Variants in NOL4 observed in about 807,000 individuals in gnomAD.
The protein encoded by NOL4 is cancer/testis antigen 125.
NOL4 carries 17 observed loss-of-function variants against 75.9 expected under a neutral mutation model. The observed-to-expected ratio is 0.22, with a 90% CI of 0.15 to 0.34. NOL4 has a LOEUF of 0.34. Among genes scored for constraint, NOL4 ranks in the 10% least tolerant of loss-of-function variants. The pLI is 1.00. For synonymous variants in NOL4, 292 were observed against 289.9 expected, an observed-to-expected ratio of 1.01 and a Z score of -0.07; for missense variants, 614 against 793.5, an observed-to-expected ratio of 0.77 and a Z score of 2.72.
chr18:34,137,373 A>C (rs945611456), intron 1 of NOL4, among the ~76,000 whole-genome samples: 1 of 152,232 alleles, frequency 6.6e-6, no homozygotes, highest in East Asian at 1.9e-4. Flanking sequence ...GGGAGAAAAT[A>C]TTTGGAAATC....
At chr18:34,114,392 C>T (rs1253308440) in intron 2 of NOL4, among the ~76,000 whole-genome samples, 1 of 152,106 alleles carries the variant, frequency 6.6e-6, no homozygotes, top group Non-Finnish European at 1.5e-5. Flanking sequence ...TCTCTCTTAA[C>T]TAAGCACTAA....
chr18:34,059,569 G>A (rs147683496), intron 5 of NOL4, among the ~76,000 whole-genome samples: 12 of 152,176 alleles, frequency 7.9e-5, no homozygotes, highest in East Asian at 3.9e-4. Flanking sequence ...AAACACTGTC[G>A]CTTGGGATCA....
intron 8 of NOL4, among the ~76,000 whole-genome samples, chr18:33,944,552 AC>A (rs1167333327): frequency 6.6e-6 from 1 of 151,888 alleles, no homozygotes; most frequent in Non-Finnish European, 1.5e-5. Context: ...GGTATAGGGT[AC>A]ATACTCTTCT....
rs138948401 is a variant in NOL4 at position 34,067,964 on chromosome 18, T to C, written c.772+25501A>G. ...CTAGACAATATCATCAAGAGAGTGA[T>C]TGTATATAAAACAACAAAAACCATC... On this transcript the variant is annotated intron_variant, in intron 5 of 10. Transcript: ENST00000261592. 2.3e-3 allele frequency among the ~76,000 whole-genome samples: 353 copies of C among 152,110 alleles called. 4 individuals carry two copies. Among genetic ancestry groups the C allele is most frequent in the African/African-American group, 7.2e-3 (299 of 41,476 alleles).
chr18:34,156,871 T>G (rs1235011212), intron 1 of NOL4, among the ~76,000 whole-genome samples: 4 of 152,152 alleles, frequency 2.6e-5, no homozygotes, highest in Admixed American at 1.3e-4. Context: ...TTCCTCATCA[T>G]GGCCCACAGA....
intron 5 of NOL4, among the ~76,000 whole-genome samples, chr18:34,058,718 G>A (rs1340344107): frequency 6.6e-6 from 1 of 152,050 alleles, no homozygotes; most frequent in Non-Finnish European, 1.5e-5. Context: ...TGTATCCACA[G>A]TTTTTAACCC....
At chr18:34,115,572 T>C (rs1457274099) in intron 2 of NOL4, among the ~76,000 whole-genome samples, 1 of 148,198 alleles carries the variant, frequency 6.7e-6, no homozygotes, top group African/African-American at 2.5e-5. Context: ...CAATAAAAGG[T>C]TGGGGTGGGG....
At chr18:34,100,949 T>C (rs556275449) in intron 4 of NOL4, among the ~76,000 whole-genome samples, 67 of 152,330 alleles carry the variant, frequency 4.4e-4, no homozygotes, top group African/African-American at 1.6e-3. Context: ...CCCACAGTTT[T>C]TCTTACACTA....
chr18:34,147,611 G>C (rs572985776), intron 1 of NOL4, among the ~76,000 whole-genome samples: 1 of 151,982 alleles, frequency 6.6e-6, no homozygotes, highest in Non-Finnish European at 1.5e-5. Flanking sequence ...TGCTAGATTT[G>C]GTTTGCCAGT....
intron 7 of NOL4, 101 bp from the exon 8 acceptor site, chr18:33,957,618 G>T (rs2069749893): frequency 3.3e-6 from 3 of 917,136 alleles, no homozygotes; most frequent in Admixed American, 6.1e-5. Flanking sequence ...CTGTTTTCTG[G>T]TTTATGCACT....
intron 9 of NOL4, among the ~76,000 whole-genome samples, chr18:33,906,208 G>C (rs758285515): frequency 1.3e-5 from 2 of 152,172 alleles, no homozygotes; most frequent in Non-Finnish European, 2.9e-5. Context: ...ATTTGTCGGA[G>C]AGTCATGACC....
chr18:34,143,863 T>TA (rs1395546875), intron 1 of NOL4, among the ~76,000 whole-genome samples: 2 of 57,228 alleles, frequency 3.5e-5, no homozygotes, highest in Non-Finnish European at 6.4e-5. Context: ...AAACTCCATC[T>TA]CAAAAAAAAA....
chr18:34,020,929 A>G (rs1377551089), intron 5 of NOL4, among the ~76,000 whole-genome samples: 1 of 152,236 alleles, frequency 6.6e-6, no homozygotes, highest in Non-Finnish European at 1.5e-5. Context: ...TGGCTGAGCA[A>G]AAGAAATATT....
Position 34,223,388 on chromosome 18 carries a change from T to C in NOL4, c.-135A>G, listed in dbSNP as rs944726474. ...GGCCGCAGCGGGAGCCTGCTTTGGG[T>C]GGGGGAAGGGATGGGAAGAGGGGAG... On this transcript the variant is annotated 5_prime_UTR_variant, in exon 1 of 11. Coordinates refer to ENST00000261592, the MANE Select transcript of NOL4 (RefSeq NM_003787.5). 5.4e-6 allele frequency: 7 copies of C among 1,296,626 alleles called. No homozygotes were observed. The African/African-American group carries it at 8.9e-5, about 16-fold the overall frequency. 80.3% of individuals were successfully genotyped at this position (1,296,626 alleles called of 1,614,324 possible).
intron 1 of NOL4, among the ~76,000 whole-genome samples, chr18:34,194,930 A>C (rs1227175703): frequency 6.6e-6 from 1 of 151,864 alleles, no homozygotes; most frequent in Non-Finnish European, 1.5e-5. Context: ...AGGCTAGGGC[A>C]GGAGAATCTC....
chr18:33,983,678 A>T (rs919394742), intron 6 of NOL4, among the ~76,000 whole-genome samples: 1 of 152,054 alleles, frequency 6.6e-6, no homozygotes, highest in African/African-American at 2.4e-5. Context: ...AAACATGCAT[A>T]ATATATATTT....
intron 1 of NOL4, among the ~76,000 whole-genome samples, chr18:34,177,243 G>T (rs147594197): frequency 1.6e-4 from 25 of 152,084 alleles, no homozygotes; most frequent in East Asian, 9.7e-4. Flanking sequence ...GTGACATAAA[G>T]CAGAGTAGTG....
At chr18:33,950,894 G>A (rs1450299031) in intron 8 of NOL4, among the ~76,000 whole-genome samples, 2 of 152,108 alleles carry the variant, frequency 1.3e-5, no homozygotes, top group Non-Finnish European at 2.9e-5. Flanking sequence ...ACACACACCA[G>A]GTACCATACT....
intron 9 of NOL4, among the ~76,000 whole-genome samples, chr18:33,895,490 T>G (rs931194368): frequency 6.6e-6 from 1 of 152,160 alleles, no homozygotes; most frequent in Non-Finnish European, 1.5e-5. Flanking sequence ...TCAAAATTTT[T>G]AAAGAAATAT....
Sources: gnomAD v4.1 joint callset for allele counts (sites outside exome capture counted in the v4.1 genomes callset) on GRCh38, gnomAD v4.1.1 for gene constraint, MANE v1.5 for transcripts, NCBI Gene and HGNC (gene_info 2026-07-23, HGNC 2026-07-21) for gene names.